The following PTPRD variants were observed in gnomAD, a reference collection of about 807,000 sequenced individuals.
PTPRD encodes the protein protein tyrosine phosphatase receptor type D, also known as receptor-type tyrosine-protein phosphatase delta.
PTPRD carries 34 observed loss-of-function variants against 214.5 expected under a neutral mutation model. The observed-to-expected ratio is 0.16, with a 90% CI of 0.12 to 0.21. The LOEUF is 0.21. Ranked by LOEUF, PTPRD falls within the 10% of genes least tolerant of loss-of-function variation. PTPRD has a pLI of 1.00. For missense variants in PTPRD, 2,545 were observed against 2,398.7 expected, an observed-to-expected ratio of 1.06 and a Z score of -1.27; for synonymous variants, 1,128 against 845.7, an observed-to-expected ratio of 1.33 and a Z score of -5.79.
At chr9:8,999,864 G>A (rs1185586707) in intron 11 of PTPRD, among the ~76,000 whole-genome samples, 1 of 151,994 alleles carries the variant, frequency 6.6e-6, no homozygotes, top group Non-Finnish European at 1.5e-5. Context: ...GGAACAGGGG[G>A]ATGGGGTGTT....
chr9:9,810,987 C>T (rs148621113), intron 5 of PTPRD, among the ~76,000 whole-genome samples: 157 of 152,002 alleles, frequency 1.0e-3, no homozygotes, highest in Non-Finnish European at 1.8e-3. Flanking sequence ...TCTGTAATCC[C>T]AACACTTTGG....
chr9:9,077,918 T>G (rs564811760), intron 10 of PTPRD, among the ~76,000 whole-genome samples: 1 of 152,112 alleles, frequency 6.6e-6, no homozygotes, highest in South Asian at 2.1e-4. Flanking sequence ...TCTATTTACA[T>G]TGAAGCCATT....
At chr9:8,477,926 G>C (rs56807533) in intron 30 of PTPRD, among the ~76,000 whole-genome samples, 6,741 of 152,280 alleles carry the variant, frequency 0.044, 495 homozygotes, top group African/African-American at 0.15. Flanking sequence ...CTCTGGTTTT[G>C]TATTGCCAGC....
intron 3 of PTPRD, among the ~76,000 whole-genome samples, chr9:10,086,259 A>G (rs1224471721): frequency 6.6e-6 from 1 of 151,816 alleles, no homozygotes; most frequent in Admixed American, 6.6e-5. Flanking sequence ...GTGATCCTCC[A>G]TAAAAAATAG....
chr9:10,082,415 G>C (rs1281231568), intron 3 of PTPRD, among the ~76,000 whole-genome samples: 16 of 151,988 alleles, frequency 1.1e-4, no homozygotes, highest in Non-Finnish European at 2.4e-4. Context: ...CATTGACAAG[G>C]CGTGTGCACT....
intron 4 of PTPRD, among the ~76,000 whole-genome samples, chr9:9,996,903 T>C (rs867515873): frequency 7.2e-5 from 11 of 152,178 alleles, no homozygotes; most frequent in Non-Finnish European, 1.5e-4. Context: ...TTATATTAGA[T>C]TAAATATCCA....
At chr9:10,586,703 C>T (rs188919241) in intron 2 of PTPRD, among the ~76,000 whole-genome samples, 72 of 151,642 alleles carry the variant, frequency 4.7e-4, no homozygotes, top group African/African-American at 1.6e-3. Flanking sequence ...TTCTTACTAT[C>T]TAGAAAAGTG....
chr9:10,411,211 T>C (rs1018979381), intron 2 of PTPRD, among the ~76,000 whole-genome samples: 1 of 151,734 alleles, frequency 6.6e-6, no homozygotes, highest in Non-Finnish European at 1.5e-5. Context: ...ATTTTGTATT[T>C]TTCAATAGGC....
At chr9:9,003,270 A>G (rs771074687) in intron 11 of PTPRD, among the ~76,000 whole-genome samples, 1 of 151,910 alleles carries the variant, frequency 6.6e-6, no homozygotes, top group Non-Finnish European at 1.5e-5. Flanking sequence ...TTTTTCCTCT[A>G]TTGTTCTATG....
chr9:8,725,835 G>A (rs1211689968), intron 12 of PTPRD, among the ~76,000 whole-genome samples: 1 of 152,120 alleles, frequency 6.6e-6, no homozygotes. Flanking sequence ...CTCTGCTCCA[G>A]GGTCCACATT....
intron 11 of PTPRD, among the ~76,000 whole-genome samples, chr9:8,864,571 GTTCT>G (rs2098163120): frequency 6.6e-6 from 1 of 152,146 alleles, no homozygotes; most frequent in African/African-American, 2.4e-5. Flanking sequence ...ATTTTTAAAG[GTTCT>G]TTCTAACAGG....
At chr9:9,421,083 A>C (rs2078634723) in intron 8 of PTPRD, among the ~76,000 whole-genome samples, 1 of 151,998 alleles carries the variant, frequency 6.6e-6, no homozygotes, top group African/African-American at 2.4e-5. Context: ...ATGGTCAATT[A>C]CATATTTGTA....
intron 14 of PTPRD, among the ~76,000 whole-genome samples, chr9:8,627,976 A>G (rs2096102656): frequency 6.6e-6 from 1 of 151,914 alleles, no homozygotes; most frequent in Admixed American, 6.6e-5. Flanking sequence ...TATTCCAAGT[A>G]CTCAACTATT....
chr9:9,796,537 AG>A lies in PTPRD; in HGVS notation c.-367-29687del, dbSNP rs527270708. 3.3e-3 allele frequency among the ~76,000 whole-genome samples: 508 copies of A among 152,280 alleles called. 4 individuals are homozygous for A. The highest frequency in any genetic ancestry group is 0.012 in the African/African-American group (485 of 41,560). The stretch of plus-strand genomic sequence containing the variant: ...GCTAAGAAAGTAGATGAGAATTCTC[AG>A]GGAGGGACTTTTCAGTTGGAAGAAA... On this transcript the variant is annotated intron_variant, in intron 5 of 45. Coordinates refer to ENST00000381196, the MANE Select transcript of PTPRD (RefSeq NM_002839.4).
chr9:10,155,994 T>TA (rs539262641), intron 3 of PTPRD, among the ~76,000 whole-genome samples: 84 of 151,942 alleles, frequency 5.5e-4, no homozygotes, highest in African/African-American at 1.9e-3. Flanking sequence ...TCTCCTCAAT[T>TA]TTTTTTGGAA....
At chr9:8,971,264 T>C (rs1294476729) in intron 11 of PTPRD, among the ~76,000 whole-genome samples, 2 of 151,806 alleles carry the variant, frequency 1.3e-5, no homozygotes, top group Non-Finnish European at 2.9e-5. Flanking sequence ...CTGAATATCA[T>C]GAGCCAAAGA....
chr9:9,652,844 C>A (rs1051339456), intron 7 of PTPRD, among the ~76,000 whole-genome samples: 1 of 151,916 alleles, frequency 6.6e-6, no homozygotes, highest in Non-Finnish European at 1.5e-5. Flanking sequence ...AAACTCCTGA[C>A]CTCAGGTGAT....
chr9:9,652,825 G>T (rs1452073051), intron 7 of PTPRD, among the ~76,000 whole-genome samples: 1 of 151,660 alleles, frequency 6.6e-6, no homozygotes, highest in Non-Finnish European at 1.5e-5. Flanking sequence ...TATTAGACAG[G>T]CTGCTCTCAA....
At chr9:9,302,743 C>T (rs964687460) in intron 9 of PTPRD, among the ~76,000 whole-genome samples, 1 of 151,510 alleles carries the variant, frequency 6.6e-6, no homozygotes, top group African/African-American at 2.4e-5. Flanking sequence ...CCTTTGAAGC[C>T]ATCCATAATT....
Sources: gnomAD v4.1 joint callset for allele counts (sites outside exome capture counted in the v4.1 genomes callset) on GRCh38, gnomAD v4.1.1 for gene constraint, MANE v1.5 for transcripts, NCBI Gene and HGNC (gene_info 2026-07-23, HGNC 2026-07-21) for gene names.